SLC26A11: variants seen among roughly 807,000 people sequenced by gnomAD.
SLC26A11 encodes solute carrier family 26 member 11, also known as sodium-independent sulfate anion transporter.
A neutral mutation model predicts 62.2 loss-of-function variants in SLC26A11; 58 were observed. The observed-to-expected ratio is 0.93, with a 90% CI of 0.76 to 1.16. The LOEUF (loss-of-function observed/expected upper bound fraction) is 1.16, where lower values mean the gene tolerates loss of function less well. Among genes scored for constraint, SLC26A11 ranks in the 50% most tolerant of loss-of-function variants. SLC26A11 has a pLI of 0.00. For missense variants in SLC26A11, 790 were observed against 794.3 expected, an observed-to-expected ratio of 0.99 and a Z score of 0.06; for synonymous variants, 411 against 368.9, an observed-to-expected ratio of 1.11 and a Z score of -1.31.
At chr17:80,242,503 G>A (rs938399672) in intron 10 of SLC26A11, among the ~76,000 whole-genome samples, 3 of 152,168 alleles carry the variant, frequency 2.0e-5, no homozygotes, top group Non-Finnish European at 4.4e-5. Flanking sequence ...GGCTGTGGCC[G>A]GGGGAATCGA....
In SLC26A11 at chr17:80,246,004, C is replaced by G; in HGVS notation, c.1098-150C>G. 2.2e-6 allele frequency: 2 copies of G among 906,578 alleles called. No individual in the cohort carries two copies. Among genetic ancestry groups the G allele is most frequent in the South Asian group, 2.8e-5 (2 of 70,762 alleles). 56.2% of individuals were successfully genotyped at this position (906,578 alleles called of 1,614,324 possible). A position where few individuals can be genotyped will look rare whatever the true frequency, so the allele number is the denominator to read the frequency against. On this transcript the variant is annotated intron_variant, in intron 11 of 17. Coordinates refer to ENST00000361193, the MANE Select transcript of SLC26A11 (RefSeq NM_001166347.2). This position sits in a 1 kb window ranked among gnomAD's most constrained non-coding sequence, Gnocchi z 4.4. Reference sequence around the variant, plus strand: ...GGCTGTCTGTGACTGCACCCTAAGTCTCTTTGCCTCGGTCCCCTTGCAGTC... The same window carrying G: ...GGCTGTCTGTGACTGCACCCTAAGTGTCTTTGCCTCGGTCCCCTTGCAGTC...
At chr17:80,244,124 T>G (rs1697231855) in intron 10 of SLC26A11, among the ~76,000 whole-genome samples, 1 of 152,230 alleles carries the variant, frequency 6.6e-6, no homozygotes, top group Non-Finnish European at 1.5e-5. Context: ...GAGCAGGCCC[T>G]GCACCTGTGA....
At position 80,221,459 on chromosome 17, in the gene SLC26A11, C is replaced by T. The variant is rs541450922; in HGVS notation, c.-13-89C>T. 776 of 972,712 alleles carry T rather than the reference C, an allele frequency of 8.0e-4. 1 individual carries two copies. Among genetic ancestry groups the T allele is most frequent in the Non-Finnish European group, 1.0e-3 (691 of 675,184 alleles). 60.3% of individuals were successfully genotyped at this position (972,712 alleles called of 1,614,324 possible). Reference sequence around the variant, plus strand: ...GGGGAGGGGAGACCCATAGTGACCTCTCCTGACACCCGCCGACCCTGACCA... The same window carrying T: ...GGGGAGGGGAGACCCATAGTGACCTTTCCTGACACCCGCCGACCCTGACCA... On this transcript the variant is annotated intron_variant, in intron 2 of 17. Coordinates refer to ENST00000361193, the MANE Select transcript of SLC26A11 (RefSeq NM_001166347.2).
At chr17:80,242,002 A>G (rs1175960255) in intron 10 of SLC26A11, among the ~76,000 whole-genome samples, 181 bp downstream of exon 10, 1 of 152,106 alleles carries the variant, frequency 6.6e-6, no homozygotes, top group Admixed American at 6.5e-5. Flanking sequence ...TTTGAGATGG[A>G]GTCTCACTCT....
intron 9 of SLC26A11, among the ~76,000 whole-genome samples, chr17:80,238,822 T>TTG (rs1555629153): frequency 5.1e-5 from 7 of 136,262 alleles, no homozygotes; most frequent in African/African-American, 2.1e-4. Context: ...TTTTTTTTGT[T>TTG]TTTTGTTTTT....
At chr17:80,241,275 T>C (rs1373437721) in intron 9 of SLC26A11, among the ~76,000 whole-genome samples, 2 of 152,194 alleles carry the variant, frequency 1.3e-5, no homozygotes, top group African/African-American at 4.8e-5. Flanking sequence ...CTTGTTGTTG[T>C]TTGAGACAGG....
intron 17 of SLC26A11, 86 bp downstream of exon 17, chr17:80,251,487 G>A (rs1482588413): frequency 1.2e-5 from 19 of 1,549,324 alleles, no homozygotes; most frequent in Admixed American, 8.8e-5. Context: ...AACCAGCTGG[G>A]CACAGTGGCT....
chr17:80,224,887 G>T (rs934379345), intron 5 of SLC26A11, among the ~76,000 whole-genome samples: 1 of 152,034 alleles, frequency 6.6e-6, no homozygotes, highest in African/African-American at 2.4e-5. Flanking sequence ...GCCCAGGACA[G>T]AAGACCCTAC....
At position 80,253,041 on chromosome 17, in the gene SLC26A11, G is replaced by A. The variant is rs1161540268; in HGVS notation, c.*325G>A. On this transcript the variant is annotated 3_prime_UTR_variant, in exon 18 of 18. Coordinates refer to ENST00000361193, the MANE Select transcript of SLC26A11 (RefSeq NM_001166347.2). ...CAGGGGTTTCCAGCCCGGGCTGTGCGAGGCATCCTGGGGCTGGCAGCACCT... is the reference window on the plus strand; with the variant it reads ...CAGGGGTTTCCAGCCCGGGCTGTGCAAGGCATCCTGGGGCTGGCAGCACCT... 2 of 185,380 alleles carry A rather than the reference G, an allele frequency of 1.1e-5. No homozygotes were observed. Among genetic ancestry groups the A allele is most frequent in the Non-Finnish European group, 2.3e-5 (2 of 88,656 alleles). The allele number at this position is 185,380 out of a possible 1,614,324, so 11.5% of individuals were successfully genotyped here. A position where few individuals can be genotyped will look rare whatever the true frequency, so the allele number is the denominator to read the frequency against.
intron 5 of SLC26A11, among the ~76,000 whole-genome samples, chr17:80,225,290 G>A (rs768665191): frequency 9.9e-5 from 15 of 152,236 alleles, no homozygotes; most frequent in African/African-American, 2.7e-4. Context: ...CTACTTTGCC[G>A]AGGATTCCCC....
chr17:80,237,619 C>A, intron 9 of SLC26A11, 25 bp downstream of exon 9: 3 of 1,603,890 alleles, frequency 1.9e-6, no homozygotes, highest in East Asian at 4.5e-5. Context: ...ACCCACACCC[C>A]AGGTCTCCCA....
At chr17:80,249,018 G>A in intron 15 of SLC26A11, 136 bp from the exon 16 acceptor site, 1 of 1,089,570 alleles carries the variant, frequency 9.2e-7, no homozygotes. Context: ...TCCCCCAACT[G>A]GGCGACTCAG....
chr17:80,240,405 C>CTT (rs921428311), intron 9 of SLC26A11, among the ~76,000 whole-genome samples: 3 of 151,714 alleles, frequency 2.0e-5, no homozygotes, highest in Non-Finnish European at 4.4e-5. Flanking sequence ...TAGATCCATG[C>CTT]TCCTGTGCCT....
chr17:80,247,066 T>TA (rs1292686177), intron 13 of SLC26A11, among the ~76,000 whole-genome samples: 1 of 151,056 alleles, frequency 6.6e-6, no homozygotes, highest in African/African-American at 2.4e-5. Context: ...TTTTTTTTTT[T>TA]TTATTATTAT....
Position 80,228,963 on chromosome 17 carries a change from A to G in SLC26A11, c.736+1003A>G, listed in dbSNP as rs2042489658. Reference sequence around the variant, plus strand: ...GGAGGTGGAAGCCTCTTCTCAGTGCATCCGGGATGGGCATGGGTCCCCTGG... The same window carrying G: ...GGAGGTGGAAGCCTCTTCTCAGTGCGTCCGGGATGGGCATGGGTCCCCTGG... On this transcript the variant is annotated intron_variant, in intron 7 of 17. Coordinates refer to ENST00000361193, the MANE Select transcript of SLC26A11 (RefSeq NM_001166347.2). This position sits in a 1 kb window ranked among gnomAD's most constrained non-coding sequence, Gnocchi z 4.1. Among the ~76,000 whole-genome samples the G allele has an allele frequency of 6.6e-6, 1 of 152,178 alleles. No homozygotes were observed. The highest frequency in any genetic ancestry group is 2.1e-4 in the South Asian group (1 of 4,826).
chr17:80,226,393 C>T (rs1405404221), intron 6 of SLC26A11, among the ~76,000 whole-genome samples: 1 of 152,116 alleles, frequency 6.6e-6, no homozygotes, highest in Non-Finnish European at 1.5e-5. Flanking sequence ...AAGCACTTCC[C>T]TCAGGTGGTT....
intron 10 of SLC26A11, among the ~76,000 whole-genome samples, chr17:80,242,535 C>T (rs897688544): frequency 6.6e-5 from 10 of 152,162 alleles, no homozygotes; most frequent in Admixed American, 3.3e-4. Flanking sequence ...TGATTGTGCC[C>T]GCACCCTGCC....
In SLC26A11 at chr17:80,220,473, A is replaced by C; in HGVS notation, c.-237A>C. Reference sequence around the variant, plus strand: ...GACCCAGCTGCGGCGACGCCAGGAGACCCCAAGCTGCATCGCCGAGTGGGT... The same window carrying C: ...GACCCAGCTGCGGCGACGCCAGGAGCCCCCAAGCTGCATCGCCGAGTGGGT... On this transcript the variant is annotated 5_prime_UTR_variant, in exon 1 of 18. Transcript: ENST00000361193. The C allele has an allele frequency of 1.6e-6, 1 of 611,278 alleles. No homozygotes were observed. Among genetic ancestry groups the C allele is most frequent in the Non-Finnish European group, 2.5e-6 (1 of 397,270 alleles). 37.9% of individuals were successfully genotyped at this position (611,278 alleles called of 1,614,324 possible). A position where few individuals can be genotyped will look rare whatever the true frequency, so the allele number is the denominator to read the frequency against.
chr17:80,247,068 T>A (rs1179175579), intron 13 of SLC26A11, among the ~76,000 whole-genome samples: 24 of 150,562 alleles, frequency 1.6e-4, no homozygotes, highest in Admixed American at 1.1e-3. Flanking sequence ...TTTTTTTTTT[T>A]ATTATTATTT....
Sources: gnomAD v4.1 joint callset for allele counts (sites outside exome capture counted in the v4.1 genomes callset) on GRCh38, gnomAD v4.1.1 for gene constraint, Gnocchi (gnomAD v3.1) non-coding constraint, MANE v1.5 for transcripts, NCBI Gene and HGNC (gene_info 2026-07-23, HGNC 2026-07-21) for gene names.